SH3TC2: variants seen among roughly 807,000 people sequenced by gnomAD.
The protein encoded by SH3TC2 is SH3 domain and tetratricopeptide repeat-containing protein 2.
Under a neutral mutation model 124.5 loss-of-function variants are expected in SH3TC2, and 87 were observed. The ratio of observed to expected loss-of-function variants is 0.70; its 90% confidence interval spans 0.59 to 0.84. The LOEUF (loss-of-function observed/expected upper bound fraction) is 0.84, where lower values mean the gene tolerates loss of function less well. Among genes scored for constraint, SH3TC2 ranks in the 40% least tolerant of loss-of-function variants. SH3TC2 has a pLI of 0.00. For missense variants in SH3TC2, 1,536 were observed against 1,566.4 expected, an observed-to-expected ratio of 0.98 and a Z score of 0.33; for synonymous variants, 634 against 628.5, an observed-to-expected ratio of 1.01 and a Z score of -0.13.
chr5:149,051,631 T>C (rs1188857818), intron 2 of SH3TC2, among the ~76,000 whole-genome samples: 1 of 152,144 alleles, frequency 6.6e-6, no homozygotes, highest in African/African-American at 2.4e-5. Context: ...TTTTGATTTT[T>C]TGTTTAGGGA....
chr5:149,057,612 C>T (rs1253563593), intron 1 of SH3TC2: 1 of 152,182 alleles, frequency 6.6e-6, no homozygotes, highest in East Asian at 1.9e-4. Flanking sequence ...CCATGCTAAT[C>T]TTCTCTGTAT....
intron 12 of SH3TC2, among the ~76,000 whole-genome samples, chr5:149,022,807 G>T (rs188884851): frequency 1.1e-3 from 164 of 152,286 alleles, no homozygotes; most frequent in African/African-American, 3.5e-3. Flanking sequence ...AATACTGTAT[G>T]ATACCATTTA....
At chr5:149,046,019 G>A (rs1754458266) in intron 3 of SH3TC2, 1 of 394,324 alleles carries the variant, frequency 2.5e-6, no homozygotes, top group Non-Finnish European at 5.0e-6. Context: ...TAAATCTGTT[G>A]TTTGTCCAAG....
rs1482296570 is a variant in SH3TC2 at position 148,982,360 on chromosome 5, C to T, written c.*22351G>A. ...CTATCAAAACAACAAATGCATATGCCCTTAGTATTCTGCTATTTCACTTTT... is the reference window on the plus strand; with the variant it reads ...CTATCAAAACAACAAATGCATATGCTCTTAGTATTCTGCTATTTCACTTTT... On this transcript the variant is annotated 3_prime_UTR_variant, in exon 17 of 17. Transcript: ENST00000515425. Among the ~76,000 whole-genome samples, 1 of 152,056 alleles carries T rather than the reference C, an allele frequency of 6.6e-6. No homozygotes were observed. The highest frequency in any genetic ancestry group is 1.9e-4 in the East Asian group (1 of 5,196).
At chr5:149,045,725 C>G in intron 3 of SH3TC2, 1 of 172,566 alleles carries the variant, frequency 5.8e-6, no homozygotes, top group South Asian at 1.1e-4. Flanking sequence ...CGGCTCACTG[C>G]AACCTCCGCC....
At chr5:149,020,775 A>C (rs1404773892) in intron 12 of SH3TC2, among the ~76,000 whole-genome samples, 1 of 152,200 alleles carries the variant, frequency 6.6e-6, no homozygotes, top group African/African-American at 2.4e-5. Flanking sequence ...ATATATATGC[A>C]GCACCTAATA....
At chr5:149,041,344 C>T in intron 6 of SH3TC2, 72 bp downstream of exon 6, 2 of 1,513,186 alleles carry the variant, frequency 1.3e-6, no homozygotes, top group Non-Finnish European at 1.8e-6. Context: ...TATCTGAAAG[C>T]ATGCCTACTC....
At chr5:149,020,068 C>T (rs911439484) in intron 12 of SH3TC2, among the ~76,000 whole-genome samples, 7 of 151,088 alleles carry the variant, frequency 4.6e-5, no homozygotes, top group South Asian at 2.1e-4. Context: ...AATATGATCA[C>T]TGCCTTAGGT....
In SH3TC2 at chr5:149,028,112, C is replaced by T; in HGVS notation, c.1620G>A (p.Arg540=). Residue 540 remains arginine (R), a synonymous_variant, in exon 11 of 17, where the codon AGG becomes AGA. Coordinates refer to ENST00000515425, the MANE Select transcript of SH3TC2 (RefSeq NM_024577.4). ...LCFLLGRLSI[R]KVKLSQARVY... is the part of the protein sequence containing the mutation. Reference sequence around the variant, plus strand: ...CCCTGGCCTGAGAGAGTTTGACCTTCCTGATGCTCAGCCGGCCCAGGAGGA... The same window carrying T: ...CCCTGGCCTGAGAGAGTTTGACCTTTCTGATGCTCAGCCGGCCCAGGAGGA... The T allele has an allele frequency of 6.2e-7, 1 of 1,614,132 alleles. No individual in the cohort carries two copies. Among genetic ancestry groups the T allele is most frequent in the Non-Finnish European group, 8.5e-7 (1 of 1,180,028 alleles).
intron 15 of SH3TC2, chr5:149,008,553 A>C (rs1162668848): frequency 2.1e-6 from 1 of 483,296 alleles, no homozygotes; most frequent in Non-Finnish European, 3.8e-6. Context: ...GGCACAGGCA[A>C]CACTTACCAA....
At position 148,992,717 on chromosome 5, in the gene SH3TC2, C is replaced by T. The variant is rs1475150327; in HGVS notation, c.*11994G>A. 1.4e-5 allele frequency among the ~76,000 whole-genome samples: 2 copies of T among 144,014 alleles called. No individual in the cohort carries two copies. The highest frequency in any genetic ancestry group is 3.0e-5 in the Non-Finnish European group (2 of 66,566). The allele number at this position is 144,014 out of a possible 152,430, so 94.5% of individuals were successfully genotyped here. A position where few individuals can be genotyped will look rare whatever the true frequency, so the allele number is the denominator to read the frequency against. On this transcript the variant is annotated 3_prime_UTR_variant, in exon 17 of 17. Coordinates refer to ENST00000515425, the MANE Select transcript of SH3TC2 (RefSeq NM_024577.4). Reference sequence around the variant, plus strand: ...TGGGAGATGGACTTGTCCCAGTATACACAAGGAGTGACAGAACTAGGTTCA... The same window carrying T: ...TGGGAGATGGACTTGTCCCAGTATATACAAGGAGTGACAGAACTAGGTTCA...
chr5:149,009,009 C>T lies in SH3TC2; in HGVS notation c.3328-8G>A. On this transcript the variant is annotated splice_region_variant and splice_polypyrimidine_tract_variant and intron_variant, in intron 14 of 16. Transcript: ENST00000515425. ...TAAAGGAACAGCTCCAGCCTAGGAA[C>T]AGAAGCCCAAGGAACCTTAGTCTAG... The T allele has an allele frequency of 6.2e-7, 1 of 1,614,144 alleles. No individual in the cohort carries two copies. The highest frequency in any genetic ancestry group is 1.1e-5 in the South Asian group (1 of 91,086).
intron 8 of SH3TC2, among the ~76,000 whole-genome samples, chr5:149,037,077 G>C (rs181853692): frequency 2.0e-5 from 3 of 152,144 alleles, no homozygotes; most frequent in African/African-American, 4.8e-5. Flanking sequence ...TTAAGGAAAG[G>C]GCCCTCACAC....
chr5:149,043,768 C>A (rs1420724982), intron 4 of SH3TC2: 1 of 152,076 alleles, frequency 6.6e-6, no homozygotes, highest in Non-Finnish European at 1.5e-5. Flanking sequence ...ATCAGATCTC[C>A]AGACCATAAG....
At chr5:149,059,645 G>C (rs1396013642) in intron 1 of SH3TC2, among the ~76,000 whole-genome samples, 7 of 135,710 alleles carry the variant, frequency 5.2e-5, no homozygotes, top group Admixed American at 4.0e-4. Context: ...ATAATGTTTA[G>C]CAAAAAAAAA....
In SH3TC2 at chr5:149,053,203, T is replaced by G. The variant is rs148028001; in HGVS notation, c.53-963A>C. 2.1e-3 allele frequency among the ~76,000 whole-genome samples: 320 copies of G among 152,290 alleles called. 2 individuals carry two copies. The highest frequency in any genetic ancestry group is 7.5e-3 in the African/African-American group (310 of 41,562). ...GGCCTACCAAGTTTTGCATACTGGA[T>G]CTGTGCCTCTAATGATACAGCTCAA... On this transcript the variant is annotated intron_variant, in intron 1 of 16. Transcript: ENST00000515425.
In SH3TC2 at chr5:149,028,427, G is replaced by T. The variant is rs774971119; in HGVS notation, c.1305C>A (p.Thr435=). 1 of 1,613,710 alleles carries T rather than the reference G, an allele frequency of 6.2e-7. No individual in the cohort carries two copies. Residue 435 remains threonine, a synonymous_variant, in exon 11 of 17, where the codon ACC becomes ACA. Transcript: ENST00000515425. ...SSLEEELLSA[T]SDSYRLPEPD... is the part of the protein sequence containing the mutation. Reference sequence around the variant, plus strand: ...GCTCCGGCAGGCGATAGCTGTCTGAGGTGGCCGAGAGGAGCTCCTCCTCCA... The same window carrying T: ...GCTCCGGCAGGCGATAGCTGTCTGATGTGGCCGAGAGGAGCTCCTCCTCCA...
intron 12 of SH3TC2, among the ~76,000 whole-genome samples, chr5:149,023,730 C>A (rs1409942864): frequency 6.6e-6 from 1 of 151,774 alleles, no homozygotes; most frequent in Non-Finnish European, 1.5e-5. Context: ...TTACAGGCAC[C>A]CACCACCATG....
chr5:149,052,757 GT>G (rs1754579729), intron 1 of SH3TC2, among the ~76,000 whole-genome samples: 1 of 152,152 alleles, frequency 6.6e-6, no homozygotes, highest in South Asian at 2.1e-4. Flanking sequence ...ACTCTGAAAA[GT>G]TACTGTCTTC....
Sources: allele counts gnomAD v4.1 joint callset (sites outside exome capture counted in the v4.1 genomes callset), GRCh38; gene constraint gnomAD v4.1.1; transcripts MANE v1.5; gene names NCBI Gene and HGNC (gene_info 2026-07-23, HGNC 2026-07-21).